The following HEATR5A variants were observed in gnomAD, a reference collection of about 807,000 sequenced individuals.
The protein encoded by HEATR5A is HEAT repeat containing 5A.
Under a neutral mutation model 218.8 loss-of-function variants are expected in HEATR5A, and 178 were observed. That is an observed-to-expected ratio of 0.81 (90% CI 0.72 to 0.92). The LOEUF (loss-of-function observed/expected upper bound fraction) is 0.92. Ranked by LOEUF, HEATR5A falls within the 40% of genes least tolerant of loss-of-function variation. The probability of loss-of-function intolerance (pLI) is 0.00; values close to 1 mark genes in which losing one functional copy is unlikely to be tolerated. For synonymous variants in HEATR5A, 864 were observed against 871.6 expected, an observed-to-expected ratio of 0.99 and a Z score of 0.15; for missense variants, 2,420 against 2,418.9, an observed-to-expected ratio of 1.00 and a Z score of -0.01.
intron 13 of HEATR5A, among the ~76,000 whole-genome samples, chr14:31,368,571 CA>C (rs756251841): frequency 6.6e-6 from 1 of 152,108 alleles, no homozygotes; most frequent in Non-Finnish European, 1.5e-5. Flanking sequence ...CTCACTCTGT[CA>C]TCCAGGCTGG....
intron 31 of HEATR5A, 116 bp downstream of exon 31, chr14:31,306,616 C>T (rs1382504502): frequency 1.9e-6 from 2 of 1,066,754 alleles, no homozygotes; most frequent in African/African-American, 1.6e-5. Flanking sequence ...CATGCCTAGA[C>T]ATGTTTTATT....
intron 33 of HEATR5A, among the ~76,000 whole-genome samples, chr14:31,298,981 G>A (rs1371433830): frequency 1.3e-5 from 2 of 152,040 alleles, no homozygotes. Flanking sequence ...GTATTTTATA[G>A]TGCTGACCAC....
intron 32 of HEATR5A, among the ~76,000 whole-genome samples, chr14:31,303,492 AGAAGC>A (rs1392042397): frequency 7.9e-5 from 12 of 152,200 alleles, no homozygotes; most frequent in Non-Finnish European, 4.4e-5. Context: ...TTACCAATTA[AGAAGC>A]ATCTACTAGG....
At chr14:31,313,395 A>C (rs907411269) in intron 27 of HEATR5A, among the ~76,000 whole-genome samples, 1 of 152,190 alleles carries the variant, frequency 6.6e-6, no homozygotes, top group Non-Finnish European at 1.5e-5. Flanking sequence ...AATGAGATGC[A>C]TTAGGGATAA....
At chr14:31,354,732 C>T (rs750790812) in intron 16 of HEATR5A, among the ~76,000 whole-genome samples, 3 of 152,124 alleles carry the variant, frequency 2.0e-5, no homozygotes, top group South Asian at 4.1e-4. Context: ...TTACATTATA[C>T]ATTTTACATT....
At chr14:31,419,895 A>G (rs1055658457) in intron 1 of HEATR5A, among the ~76,000 whole-genome samples, 2 of 152,276 alleles carry the variant, frequency 1.3e-5, no homozygotes, top group Non-Finnish European at 2.9e-5. Context: ...TGCAACAGTT[A>G]GAAAGCAAAT....
intron 11 of HEATR5A, among the ~76,000 whole-genome samples, chr14:31,377,513 A>T (rs1010262522): frequency 6.6e-6 from 1 of 152,060 alleles, no homozygotes; most frequent in Non-Finnish European, 1.5e-5. Flanking sequence ...TCACTCCTGT[A>T]GTCCCAGAAC....
intron 22 of HEATR5A, among the ~76,000 whole-genome samples, chr14:31,332,324 A>T (rs8007411): frequency 0.86 from 130,525 of 152,214 alleles, 56,661 homozygotes; most frequent in Non-Finnish European, 0.94. Flanking sequence ...GACTGCTCCA[A>T]GCCATTTCTC....
In HEATR5A at chr14:31,365,524, C is replaced by T. The variant is rs187131849; in HGVS notation, c.1962-1226G>A. On this transcript the variant is annotated intron_variant, in intron 13 of 35. Coordinates refer to ENST00000543095, the MANE Select transcript of HEATR5A (RefSeq NM_015473.4). ...TACAGGCACGTGCCACCACGCCTGG[C>T]TAATTTTTTGTATTTTTAGTAGAGA... Among the ~76,000 whole-genome samples the T allele has an allele frequency of 2.6e-5, 4 of 152,006 alleles. 1 individual carries two copies. Among genetic ancestry groups the T allele is most frequent in the East Asian group, 2.0e-4 (1 of 5,118 alleles).
At chr14:31,293,645 A>T (rs762106737) in intron 35 of HEATR5A, 33 bp from the exon 36 acceptor site, 2 of 1,543,074 alleles carry the variant, frequency 1.3e-6, no homozygotes, top group Non-Finnish European at 1.7e-6. Flanking sequence ...AAGTTCAGTG[A>T]CATAAATGTT....
chr14:31,296,409 G>A, intron 33 of HEATR5A: 1 of 194,476 alleles, frequency 5.1e-6, no homozygotes, highest in Non-Finnish European at 1.1e-5. Context: ...CACATTGATA[G>A]GGTTGTGAAG....
intron 18 of HEATR5A, among the ~76,000 whole-genome samples, chr14:31,348,819 A>C (rs1319109037): frequency 2.0e-5 from 3 of 152,156 alleles, no homozygotes; most frequent in Non-Finnish European, 4.4e-5. Context: ...CAAGTTAATA[A>C]CCTGACTCCA....
chr14:31,333,616 AGAG>A (rs1320668389), intron 22 of HEATR5A, among the ~76,000 whole-genome samples: 1 of 152,192 alleles, frequency 6.6e-6, no homozygotes, highest in African/African-American at 2.4e-5. Context: ...TCATAGCTAG[AGAG>A]GAGAAGCCAA....
In HEATR5A at chr14:31,321,669, C is replaced by T. The variant is rs560907534; in HGVS notation, c.3799G>A (p.Val1267Ile). 1 of 1,582,616 alleles carries T rather than the reference C, an allele frequency of 6.3e-7. No homozygotes were observed. Among genetic ancestry groups the T allele is most frequent in the Non-Finnish European group, 8.6e-7 (1 of 1,166,462 alleles). ...KKRDSRNDFL[V>I]LHLADLIRMA... is the part of the protein sequence containing the mutation. The stretch of plus-strand genomic sequence containing the variant: ...CGAATTAAGTCAGCAAGATGCAGTA[C>T]CAAAAAGTCATCTATAAGATTAAAA... Residue 1267 changes from valine (V) to isoleucine (I), a missense_variant, in exon 25 of 36, where the codon GTA (valine) becomes ATA (isoleucine). By Grantham distance (29) the Val-to-Ile change is conservative. Coordinates refer to ENST00000543095, the MANE Select transcript of HEATR5A (RefSeq NM_015473.4).
rs901038112 is a variant in HEATR5A, at chr14:31,379,799, T to A, written c.1708+668A>T. Among the ~76,000 whole-genome samples the A allele has an allele frequency of 5.9e-5, 9 of 151,984 alleles. No homozygotes were observed. The South Asian group carries it at 1.0e-3, about 18-fold the overall frequency. On this transcript the variant is annotated intron_variant, in intron 11 of 35. Transcript: ENST00000543095. ...TGAGACCCCATCTCTACAAAAAAAA[T>A]TTTTTTAAATTAGCCAGGCATGATG...
intron 10 of HEATR5A, among the ~76,000 whole-genome samples, chr14:31,382,137 G>T (rs1358137506): frequency 6.6e-6 from 1 of 152,150 alleles, no homozygotes; most frequent in African/African-American, 2.4e-5. Flanking sequence ...AATATAATAT[G>T]GGAATGGGAA....
chr14:31,415,273 G>A (rs966599436), intron 1 of HEATR5A, among the ~76,000 whole-genome samples: 2 of 152,180 alleles, frequency 1.3e-5, no homozygotes, highest in African/African-American at 4.8e-5. Flanking sequence ...CCTGCCAGAT[G>A]TCCAGCTAGG....
chr14:31,320,407 T>C lies in HEATR5A; in HGVS notation c.3969+1092A>G, dbSNP rs569730217. On this transcript the variant is annotated intron_variant, in intron 25 of 35. Coordinates refer to ENST00000543095, the MANE Select transcript of HEATR5A (RefSeq NM_015473.4). ...CAGCCCCTGAATCAGCCACACCAAC[T>C]GTGGCTGACCCAGCACCAATAAACT... is the stretch of plus-strand genomic sequence containing the variant. The C allele has an allele frequency of 1.4e-3, 1,559 of 1,137,990 alleles. 28 individuals carry two copies. In the South Asian group the frequency reaches 0.018, roughly 13 times the overall value. The allele number at this position is 1,137,990 out of a possible 1,614,324, so 70.5% of individuals were successfully genotyped here.
intron 11 of HEATR5A, among the ~76,000 whole-genome samples, chr14:31,376,411 G>A (rs945717289): frequency 2.6e-5 from 4 of 152,160 alleles, no homozygotes; most frequent in Non-Finnish European, 5.9e-5. Flanking sequence ...TACTTGGGAG[G>A]CTGATGCAGG....
Sources: allele counts gnomAD v4.1 joint callset (sites outside exome capture counted in the v4.1 genomes callset), GRCh38; gene constraint gnomAD v4.1.1; transcripts MANE v1.5; gene names NCBI Gene and HGNC (gene_info 2026-07-23, HGNC 2026-07-21).